The following THSD4 variants were observed in gnomAD, a reference collection of about 807,000 sequenced individuals.
The protein encoded by THSD4 is thrombospondin type 1 domain containing 4, also known as thrombospondin type-1 domain-containing protein 4.
A neutral mutation model predicts 119.0 loss-of-function variants in THSD4; 69 were observed. The ratio of observed to expected loss-of-function variants is 0.58; its 90% CI spans 0.48 to 0.71. The LOEUF (loss-of-function observed/expected upper bound fraction) is 0.71. Ranked by LOEUF, THSD4 falls within the 30% of genes least tolerant of loss-of-function variation. THSD4 has a pLI of 0.00. For synonymous variants in THSD4, 524 were observed against 540.4 expected (o/e 0.97, Z 0.42); for missense variants, 1,393 against 1,391.1 (o/e 1.00, Z -0.02).
chr15:71,174,151 T>C (rs1320832653), intron 3 of THSD4, among the ~76,000 whole-genome samples: 1 of 152,266 alleles, frequency 6.6e-6, no homozygotes, highest in Admixed American at 6.5e-5. Context: ...GGAGCCAAGA[T>C]GGCCGAATAG....
At chr15:71,108,457 T>A (rs2040283224) in intron 1 of THSD4, among the ~76,000 whole-genome samples, 1 of 152,214 alleles carries the variant, frequency 6.6e-6, no homozygotes, top group South Asian at 2.1e-4. Flanking sequence ...TCCTTAGCTT[T>A]AACATGTATG....
intron 8 of THSD4, among the ~76,000 whole-genome samples, chr15:71,714,239 T>C (rs2052565606): frequency 6.6e-6 from 1 of 152,156 alleles, no homozygotes; most frequent in African/African-American, 2.4e-5. Context: ...GTAAGCTTTA[T>C]GAGGGCAAAG....
chr15:71,728,920 A>C (rs998654615), intron 9 of THSD4, 196 bp downstream of exon 9: 11 of 648,194 alleles, frequency 1.7e-5, no homozygotes, highest in Non-Finnish European at 2.9e-5. Context: ...GCTCACAGCA[A>C]CCTCCAACTC....
intron 7 of THSD4, among the ~76,000 whole-genome samples, chr15:71,601,389 A>C (rs938731594): frequency 1.3e-5 from 2 of 152,184 alleles, no homozygotes; most frequent in African/African-American, 4.8e-5. Flanking sequence ...ACACCACTCC[A>C]GGGGTTGCTC....
chr15:71,776,911 G>A (rs536978743), intron 17 of THSD4, among the ~76,000 whole-genome samples: 1 of 152,292 alleles, frequency 6.6e-6, no homozygotes, highest in African/African-American at 2.4e-5. Flanking sequence ...CTCACATAGA[G>A]TTTAAGTGTA....
At chr15:71,335,964 A>C (rs2140380492) in intron 6 of THSD4, among the ~76,000 whole-genome samples, 1 of 152,254 alleles carries the variant, frequency 6.6e-6, no homozygotes, top group East Asian at 1.9e-4. Context: ...GGAAGGCCAA[A>C]CCTGAGGGGC....
At chr15:71,742,949 A>AG (rs1414538421) in intron 11 of THSD4, among the ~76,000 whole-genome samples, 2 of 152,104 alleles carry the variant, frequency 1.3e-5, no homozygotes, top group Non-Finnish European at 2.9e-5. Flanking sequence ...CAGCTACTTG[A>AG]GAGGCTGAAG....
intron 7 of THSD4, among the ~76,000 whole-genome samples, chr15:71,452,804 G>A (rs184404444): frequency 9.2e-5 from 14 of 152,176 alleles, no homozygotes; most frequent in East Asian, 3.9e-4. Context: ...TAGTAGAGAC[G>A]GGGTTTCACC....
Position 71,527,459 on chromosome 15 carries a change from CT to C in THSD4, c.1152+115639del, listed in dbSNP as rs558656481. 8.8e-4 allele frequency among the ~76,000 whole-genome samples: 134 copies of C among 152,208 alleles called. 2 individuals are homozygous for C. Among genetic ancestry groups the C allele is most frequent in the Non-Finnish European group, 1.0e-4 (7 of 68,016 alleles). On this transcript the variant is annotated intron_variant, in intron 7 of 17. Coordinates refer to ENST00000261862, the MANE Select transcript of THSD4 (RefSeq NM_024817.3). ...AGGAAGTTTTTATAACTTCCCAACA[CT>C]TTCTTTTTCATAATGTATTCCCCAT...
chr15:71,608,006 G>A (rs1426601917), intron 7 of THSD4, among the ~76,000 whole-genome samples: 4 of 151,954 alleles, frequency 2.6e-5, no homozygotes, highest in Non-Finnish European at 4.4e-5. Flanking sequence ...GGCGGATCAC[G>A]AGGTCAGGAG....
chr15:71,527,761 G>T, intron 7 of THSD4, among the ~76,000 whole-genome samples: 1 of 135,510 alleles, frequency 7.4e-6, no homozygotes, highest in African/African-American at 2.7e-5. Context: ...TGCCCAGGCT[G>T]GAGTGCAGTG....
chr15:71,316,086 G>T (rs1247557873), intron 6 of THSD4, among the ~76,000 whole-genome samples: 1 of 152,164 alleles, frequency 6.6e-6, no homozygotes, highest in Non-Finnish European at 1.5e-5. Flanking sequence ...TAACTTCAAA[G>T]TTATCCCTGT....
intron 4 of THSD4, among the ~76,000 whole-genome samples, chr15:71,231,228 G>T (rs1376524259): frequency 6.6e-6 from 1 of 152,144 alleles, no homozygotes; most frequent in Non-Finnish European, 1.5e-5. Context: ...CAATATCTGG[G>T]GCTGTGAGTC....
chr15:71,777,220 CTT>C lies in THSD4; in HGVS notation c.2915-10_2915-9del. ...GCTCAGGGAGTCTTCTGTTCATTCT[CTT>C]TCGCTACAGATGAAAACTGCAAGGA... On this transcript the variant is annotated splice_polypyrimidine_tract_variant and intron_variant, in intron 17 of 17. Coordinates refer to ENST00000261862, the MANE Select transcript of THSD4 (RefSeq NM_024817.3). 6.2e-7 allele frequency: 1 copy of C among 1,614,186 alleles called. No individual in the cohort carries two copies. The highest frequency in any genetic ancestry group is 8.5e-7 in the Non-Finnish European group (1 of 1,180,012).
At chr15:71,362,747 A>G (rs372720983) in intron 6 of THSD4, among the ~76,000 whole-genome samples, 1 of 152,174 alleles carries the variant, frequency 6.6e-6, no homozygotes, top group East Asian at 1.9e-4. Flanking sequence ...TTTCGTCCGC[A>G]CGCAGCACTC....
At chr15:71,117,033 A>G (rs1296991155) in intron 1 of THSD4, among the ~76,000 whole-genome samples, 1 of 152,052 alleles carries the variant, frequency 6.6e-6, no homozygotes, top group Non-Finnish European at 1.5e-5. Flanking sequence ...GGACTTTCCT[A>G]TAAATCTCTG....
intron 8 of THSD4, among the ~76,000 whole-genome samples, chr15:71,664,083 C>T (rs1386856065): frequency 4.0e-5 from 6 of 151,888 alleles, no homozygotes; most frequent in Non-Finnish European, 8.8e-5. Context: ...CCCGGGTTCA[C>T]GCCATTCTCC....
At chr15:71,624,227 G>A (rs1473543109) in intron 7 of THSD4, among the ~76,000 whole-genome samples, 1 of 152,180 alleles carries the variant, frequency 6.6e-6, no homozygotes, top group Non-Finnish European at 1.5e-5. Context: ...CACCCAATCA[G>A]TGGATACCAG....
intron 7 of THSD4, among the ~76,000 whole-genome samples, chr15:71,642,318 G>A (rs1318115826): frequency 6.6e-6 from 1 of 152,174 alleles, no homozygotes; most frequent in Non-Finnish European, 1.5e-5. Context: ...TGGAGAGGAT[G>A]CAGAGAAATA....
Sources: allele counts gnomAD v4.1 joint callset (sites outside exome capture counted in the v4.1 genomes callset), GRCh38; gene constraint gnomAD v4.1.1; transcripts MANE v1.5; gene names NCBI Gene and HGNC (gene_info 2026-07-23, HGNC 2026-07-21).